The following PTPRJ variants were observed in gnomAD, a reference collection of about 807,000 sequenced individuals.
PTPRJ encodes receptor-type tyrosine-protein phosphatase eta.
Under a neutral mutation model 141.3 loss-of-function variants are expected in PTPRJ, and 129 were observed. That is an observed-to-expected ratio of 0.91 (90% CI 0.79 to 1.06). The LOEUF (loss-of-function observed/expected upper bound fraction) is 1.06, where lower values mean the gene tolerates loss of function less well. Among genes scored for constraint, PTPRJ ranks in the 50% least tolerant of loss-of-function variants. The probability of loss-of-function intolerance (pLI) is 0.00; values close to 1 mark genes in which losing one functional copy is unlikely to be tolerated. For missense variants in PTPRJ, 1,601 were observed against 1,679.7 expected (o/e 0.95, Z 0.82); for synonymous variants, 610 against 640.5 (o/e 0.95, Z 0.72).
intron 11 of PTPRJ, among the ~76,000 whole-genome samples, chr11:48,140,793 TA>T (rs1857213831): frequency 1.3e-5 from 2 of 152,158 alleles, no homozygotes. Context: ...CTTAGTATAT[TA>T]AAAGTATTAT....
intron 1 of PTPRJ, among the ~76,000 whole-genome samples, chr11:48,000,384 G>A (rs900626919): frequency 1.3e-5 from 2 of 151,752 alleles, no homozygotes; most frequent in African/African-American, 2.4e-5. Flanking sequence ...GGGCTCAAAC[G>A]ATCCTCCCGT....
Position 48,167,324 on chromosome 11 carries a change from G to A in PTPRJ, c.3976G>A (p.Val1326Met), listed in dbSNP as rs779273922. The change falls in exon 25 of 25, where the codon GTG becomes ATG. Residue 1326 changes from valine (V) to methionine (M), a missense_variant. By Grantham distance (21) the Val-to-Met change is conservative (BLOSUM62 1). Coordinates refer to ENST00000418331, the MANE Select transcript of PTPRJ (RefSeq NM_002843.4). ...GACAATCTATGAAAACCTTGCGCCC[G>A]TGACCACATTTGGAAAGACCAATGG... ...AMTIYENLAP[V>M]TTFGKTNGYI... The A allele has an allele frequency of 6.2e-6, 10 of 1,614,100 alleles. No homozygotes were observed. Among genetic ancestry groups the A allele is most frequent in the East Asian group, 2.2e-5 (1 of 44,882 alleles).
Position 48,136,180 on chromosome 11 carries a change from C to G in PTPRJ, c.1757C>G (p.Thr586Arg), listed in dbSNP as rs747596083. ...ESKHGSNHTS[T>R]YDKAITLQGL... ...AAGCATGGCTCTAACCACACAAGCACGTATGACAAAGCGATTACTCTCCAG... is the reference window on the plus strand; with the variant it reads ...AAGCATGGCTCTAACCACACAAGCAGGTATGACAAAGCGATTACTCTCCAG... Residue 586 changes from threonine to arginine, a missense_variant, in exon 9 of 25, where the codon ACG (threonine) becomes AGG (arginine). Thr to Arg is a moderately conservative substitution (Grantham distance 71). Coordinates refer to ENST00000418331, the MANE Select transcript of PTPRJ (RefSeq NM_002843.4). 2 of 1,614,076 alleles carry G rather than the reference C, an allele frequency of 1.2e-6. No homozygotes were observed. Among genetic ancestry groups the G allele is most frequent in the Non-Finnish European group, 1.7e-6 (2 of 1,180,044 alleles).
intron 1 of PTPRJ, among the ~76,000 whole-genome samples, chr11:48,009,380 G>C (rs1854715551): frequency 6.6e-6 from 1 of 152,200 alleles, no homozygotes; most frequent in African/African-American, 2.4e-5. Context: ...TGGGTCGTTG[G>C]AGGTCAGGAG....
At chr11:48,100,227 A>G (rs768363471) in intron 1 of PTPRJ, among the ~76,000 whole-genome samples, 2 of 152,176 alleles carry the variant, frequency 1.3e-5, no homozygotes, top group Non-Finnish European at 2.9e-5. Context: ...TCCTCCTTTC[A>G]TGCAGCAGAA....
intron 3 of PTPRJ, among the ~76,000 whole-genome samples, chr11:48,119,194 G>A (rs11039524): frequency 0.013 from 2,042 of 152,056 alleles, 55 homozygotes; most frequent in African/African-American, 0.046. Flanking sequence ...CATCATCCTC[G>A]TCACCATCAT....
At chr11:48,047,538 C>T (rs907380080) in intron 1 of PTPRJ, among the ~76,000 whole-genome samples, 3 of 149,314 alleles carry the variant, frequency 2.0e-5, no homozygotes, top group Non-Finnish European at 3.0e-5. Context: ...GGGTCTTACT[C>T]TGTTGCCCAG....
chr11:48,002,972 TC>T (rs760902640), intron 1 of PTPRJ, among the ~76,000 whole-genome samples: 42 of 151,710 alleles, frequency 2.8e-4, no homozygotes, highest in Non-Finnish European at 5.7e-4. Flanking sequence ...AAGCCCTTTA[TC>T]CCCCCCATCA....
chr11:48,103,654 G>C (rs1856211430), intron 1 of PTPRJ, among the ~76,000 whole-genome samples: 1 of 152,120 alleles, frequency 6.6e-6, no homozygotes. Context: ...TTTTATCCAG[G>C]TGTATACACG....
chr11:48,108,952 C>T (rs1023088432), intron 1 of PTPRJ, among the ~76,000 whole-genome samples: 6 of 152,268 alleles, frequency 3.9e-5, no homozygotes, highest in African/African-American at 1.4e-4. Context: ...TCTCTGTTCT[C>T]ATGGAGCACA....
chr11:48,106,150 A>G lies in PTPRJ; in HGVS notation c.97-3908A>G, dbSNP rs75472696. The stretch of plus-strand genomic sequence containing the variant: ...GGAGAGGCAACCAGGTATATGGATG[A>G]AGGAGTAGGGCCTGGCTGTCACCAC... On this transcript the variant is annotated intron_variant, in intron 1 of 24. Transcript: ENST00000418331. 3.2e-3 allele frequency among the ~76,000 whole-genome samples: 490 copies of G among 152,306 alleles called. 3 individuals are homozygous for G. Among genetic ancestry groups the G allele is most frequent in the African/African-American group, 0.011 (467 of 41,576 alleles).
At chr11:48,015,052 A>G (rs1854916106) in intron 1 of PTPRJ, among the ~76,000 whole-genome samples, 1 of 152,016 alleles carries the variant, frequency 6.6e-6, no homozygotes, top group Non-Finnish European at 1.5e-5. Context: ...AGGGGTCAAG[A>G]GACTTGGCCA....
Position 48,121,003 on chromosome 11 carries a change from G to A in PTPRJ, c.353G>A (p.Gly118Glu). Residue 118 changes from glycine to glutamate, a missense_variant and splice_region_variant, in exon 4 of 25, where the codon GGG becomes GAG. Coordinates refer to ENST00000418331, the MANE Select transcript of PTPRJ (RefSeq NM_002843.4). The part of the protein sequence containing the change: ...GASQKTPSST[G>E]PSPVFDIKAV... ...TTTTTTTTTTTTTTTAACAATATAG[G>A]GCCCAGTCCTGTGTTTGACATTAAA... The A allele has an allele frequency of 6.3e-7, 1 of 1,576,070 alleles. No individual in the cohort carries two copies. The highest frequency in any genetic ancestry group is 1.2e-5 in the South Asian group (1 of 86,888).
At chr11:48,112,412 G>T (rs188707454) in intron 2 of PTPRJ, among the ~76,000 whole-genome samples, 33 of 152,330 alleles carry the variant, frequency 2.2e-4, no homozygotes, top group Admixed American at 1.3e-4. Context: ...GACTAGTAAT[G>T]AATTCAAGAT....
At position 48,092,889 on chromosome 11, in the gene PTPRJ, C is replaced by T. The variant is rs527870012; in HGVS notation, c.97-17169C>T. ...CTATTGTGAATAGTGCCGCAATGAA[C>T]ATGGGCAAATTGCCGTGTTGAGTTA... On this transcript the variant is annotated intron_variant, in intron 1 of 24. Coordinates refer to ENST00000418331, the MANE Select transcript of PTPRJ (RefSeq NM_002843.4). 2.0e-4 allele frequency among the ~76,000 whole-genome samples: 30 copies of T among 152,292 alleles called. No homozygotes were observed. The South Asian group carries it at 6.2e-3, about 32-fold the overall frequency.
At chr11:48,020,043 T>G (rs973273014) in intron 1 of PTPRJ, among the ~76,000 whole-genome samples, 4 of 152,226 alleles carry the variant, frequency 2.6e-5, no homozygotes, top group African/African-American at 7.2e-5. Flanking sequence ...AGATCCCTGT[T>G]TCTATGCTGT....
intron 18 of PTPRJ, among the ~76,000 whole-genome samples, chr11:48,152,153 ATGCT>A (rs1857499663): frequency 6.6e-6 from 1 of 152,126 alleles, no homozygotes; most frequent in Non-Finnish European, 1.5e-5. Flanking sequence ...CTGGTGTGAG[ATGCT>A]ATCTCATTGT....
At chr11:48,083,233 C>T (rs1280548554) in intron 1 of PTPRJ, among the ~76,000 whole-genome samples, 3 of 152,160 alleles carry the variant, frequency 2.0e-5, no homozygotes, top group Non-Finnish European at 4.4e-5. Flanking sequence ...CGAGACCAGC[C>T]TGACCAACAT....
At position 48,139,753 on chromosome 11, in the gene PTPRJ, A is replaced by G; in HGVS notation, c.2420A>G (p.Asn807Ser). 1 of 1,614,068 alleles carries G rather than the reference A, an allele frequency of 6.2e-7. No homozygotes were observed. The highest frequency in any genetic ancestry group is 2.2e-5 in the East Asian group (1 of 44,864). ...SCGKMAAPTR[N>S]TCTTGITDPP... is the part of the protein sequence containing the mutation. Reference sequence around the variant, plus strand: ...GGAAAGATGGCAGCCCCCACCCGGAACACCTGCACTACTGGCATCACAGGT... The same window carrying G: ...GGAAAGATGGCAGCCCCCACCCGGAGCACCTGCACTACTGGCATCACAGGT... Residue 807 changes from asparagine (N) to serine (S), a missense_variant, in exon 11 of 25, where the codon AAC becomes AGC. Asn to Ser is a conservative substitution (Grantham distance 46, BLOSUM62 1). Coordinates refer to ENST00000418331, the MANE Select transcript of PTPRJ (RefSeq NM_002843.4).
Sources: gnomAD v4.1 joint callset for allele counts (sites outside exome capture counted in the v4.1 genomes callset) on GRCh38, gnomAD v4.1.1 for gene constraint, MANE v1.5 for transcripts, NCBI Gene and HGNC (gene_info 2026-07-23, HGNC 2026-07-21) for gene names.